The following INPP4B variants were observed in gnomAD, a reference collection of about 807,000 sequenced individuals.
INPP4B encodes inositol polyphosphate-4-phosphatase type II B.
A neutral mutation model predicts 122.5 loss-of-function variants in INPP4B; 55 were observed. The ratio of observed to expected loss-of-function variants is 0.45; its 90% CI spans 0.36 to 0.56. The LOEUF (loss-of-function observed/expected upper bound fraction) is 0.56. INPP4B is among the 20% of genes least tolerant of loss of function. The probability of loss-of-function intolerance (pLI) is 0.00; values close to 1 mark genes in which losing one functional copy is unlikely to be tolerated. For missense variants in INPP4B, 1,000 were observed against 1,097.7 expected (o/e 0.91, Z 1.26); for synonymous variants, 403 against 388.7 (o/e 1.04, Z -0.43).
chr4:142,615,468 A>G (rs961555330), intron 2 of INPP4B, among the ~76,000 whole-genome samples: 18 of 152,170 alleles, frequency 1.2e-4, no homozygotes, highest in African/African-American at 4.3e-4. Flanking sequence ...GTTTTAAGTT[A>G]AGATAAGGAA....
chr4:142,766,511 C>T (rs1262903864), intron 1 of INPP4B, among the ~76,000 whole-genome samples: 1 of 151,884 alleles, frequency 6.6e-6, no homozygotes, highest in Non-Finnish European at 1.5e-5. Flanking sequence ...GCTGGGATTA[C>T]AGCCGTGCAC....
At chr4:142,282,335 A>G (rs1300551329) in intron 9 of INPP4B, among the ~76,000 whole-genome samples, 1 of 152,142 alleles carries the variant, frequency 6.6e-6, no homozygotes, top group African/African-American at 2.4e-5. Context: ...GGCTAAAGCT[A>G]GATAGGTGGG....
chr4:142,735,740 C>T (rs1312326685), intron 1 of INPP4B, among the ~76,000 whole-genome samples: 1 of 152,164 alleles, frequency 6.6e-6, no homozygotes, highest in Non-Finnish European at 1.5e-5. Flanking sequence ...ATTCTTCTTA[C>T]TGTGAAATTT....
intron 2 of INPP4B, among the ~76,000 whole-genome samples, chr4:142,657,797 G>A (rs1026041201): frequency 6.6e-6 from 1 of 152,146 alleles, no homozygotes; most frequent in Non-Finnish European, 1.5e-5. Flanking sequence ...AAATGACATG[G>A]TAATCTGGAA....
intron 2 of INPP4B, among the ~76,000 whole-genome samples, chr4:142,480,442 A>T (rs1820368736): frequency 1.3e-5 from 2 of 152,126 alleles, no homozygotes; most frequent in Non-Finnish European, 2.9e-5. Context: ...CAGCCAGGAG[A>T]CTAGGAATGA....
At chr4:142,464,875 C>A (rs1196768199) in intron 2 of INPP4B, among the ~76,000 whole-genome samples, 2 of 152,066 alleles carry the variant, frequency 1.3e-5, no homozygotes, top group African/African-American at 4.8e-5. Context: ...TCAAATCCAC[C>A]CAAATCTAAG....
chr4:142,652,368 C>T (rs1753155255), intron 2 of INPP4B, among the ~76,000 whole-genome samples: 1 of 152,074 alleles, frequency 6.6e-6, no homozygotes, highest in Non-Finnish European at 1.5e-5. Flanking sequence ...AAGTTCTGGC[C>T]AGGGCAATCA....
intron 2 of INPP4B, among the ~76,000 whole-genome samples, chr4:142,611,767 C>T (rs1742594256): frequency 6.8e-6 from 1 of 147,064 alleles, no homozygotes; most frequent in Non-Finnish European, 1.5e-5. Context: ...CTCTGAGGTT[C>T]AAGCGATTCT....
chr4:142,081,077 A>G (rs1433020871), intron 25 of INPP4B, among the ~76,000 whole-genome samples: 1 of 152,090 alleles, frequency 6.6e-6, no homozygotes, highest in Non-Finnish European at 1.5e-5. Flanking sequence ...AACTTCAGAA[A>G]CCTCTCGTTA....
At chr4:142,642,368 C>T (rs185507355) in intron 2 of INPP4B, among the ~76,000 whole-genome samples, 95 of 152,262 alleles carry the variant, frequency 6.2e-4, no homozygotes, top group Admixed American at 5.9e-3. Context: ...ATGGTATTGC[C>T]TAGGTTTTCT....
chr4:142,694,900 C>T (rs1167116917), intron 2 of INPP4B, among the ~76,000 whole-genome samples: 1 of 151,916 alleles, frequency 6.6e-6, no homozygotes, highest in Non-Finnish European at 1.5e-5. Flanking sequence ...ATTTTCTCTA[C>T]TGGGAGCAAA....
Position 142,260,478 on chromosome 4 carries a change from AC to A in INPP4B, c.688+13del. ...TTTTGCATGAAACTAAGTATTTAAAACTGAGTTACATACCTGAATTCAAAAA... is the reference window on the plus strand; with the variant it reads ...TTTTGCATGAAACTAAGTATTTAAAATGAGTTACATACCTGAATTCAAAAA... On this transcript the variant is annotated intron_variant, in intron 11 of 25. Transcript: ENST00000262992. 6.6e-7 allele frequency: 1 copy of A among 1,525,308 alleles called. No individual in the cohort carries two copies. Among genetic ancestry groups the A allele is most frequent in the Non-Finnish European group, 9.1e-7 (1 of 1,103,906 alleles). 94.5% of individuals were successfully genotyped at this position (1,525,308 alleles called of 1,614,324 possible).
intron 18 of INPP4B, among the ~76,000 whole-genome samples, chr4:142,135,395 T>A (rs1173181399): frequency 6.6e-6 from 1 of 151,712 alleles, no homozygotes; most frequent in Non-Finnish European, 1.5e-5. Context: ...TTTATCACAT[T>A]TTAGCAATTT....
At chr4:142,845,129 G>A (rs1288235387) in intron 1 of INPP4B, among the ~76,000 whole-genome samples, 1 of 152,048 alleles carries the variant, frequency 6.6e-6, no homozygotes, top group African/African-American at 2.4e-5. Flanking sequence ...AAACCCTACC[G>A]GGTTTTTCCA....
intron 15 of INPP4B, among the ~76,000 whole-genome samples, chr4:142,182,091 G>A (rs1217567716): frequency 2.6e-5 from 4 of 152,142 alleles, no homozygotes; most frequent in South Asian, 2.1e-4. Context: ...GAGGGTAAAT[G>A]AGTATGGAAG....
intron 1 of INPP4B, among the ~76,000 whole-genome samples, chr4:142,785,180 A>G (rs1775577867): frequency 6.6e-6 from 1 of 152,166 alleles, no homozygotes; most frequent in Non-Finnish European, 1.5e-5. Flanking sequence ...TCTGGTACCT[A>G]TAGCTATAGC....
chr4:142,124,179 T>A (rs1797722780), intron 19 of INPP4B, among the ~76,000 whole-genome samples: 1 of 152,090 alleles, frequency 6.6e-6, no homozygotes, highest in Admixed American at 6.5e-5. Context: ...TGTCCCAGGA[T>A]TCATGGGGGA....
At chr4:142,754,288 T>A (rs1418269631) in intron 1 of INPP4B, among the ~76,000 whole-genome samples, 4 of 152,076 alleles carry the variant, frequency 2.6e-5, no homozygotes, top group Non-Finnish European at 4.4e-5. Flanking sequence ...CTCCAGGACA[T>A]CTTTTACTAG....
intron 12 of INPP4B, among the ~76,000 whole-genome samples, chr4:142,218,176 T>C (rs538021651): frequency 6.6e-6 from 1 of 152,282 alleles, no homozygotes; most frequent in African/African-American, 2.4e-5. Context: ...CAGTTGGTGA[T>C]GGTGGGAGGG....
Sources: allele counts gnomAD v4.1 joint callset (sites outside exome capture counted in the v4.1 genomes callset), GRCh38; gene constraint gnomAD v4.1.1; transcripts MANE v1.5; gene names NCBI Gene and HGNC (gene_info 2026-07-23, HGNC 2026-07-21).